SYNE3: variants seen among roughly 807,000 people sequenced by gnomAD.
SYNE3 encodes the protein nesprin-3.
Under a neutral mutation model 111.2 loss-of-function variants are expected in SYNE3, and 100 were observed. The ratio of observed to expected loss-of-function variants is 0.90; its 90% confidence interval spans 0.77 to 1.06. SYNE3 has a LOEUF of 1.06. SYNE3 is among the 50% of genes least tolerant of loss of function. The pLI is 0.00. For synonymous variants in SYNE3, 547 were observed against 533.9 expected, an observed-to-expected ratio of 1.02 and a Z score of -0.34; for missense variants, 1,160 against 1,240.3, an observed-to-expected ratio of 0.94 and a Z score of 0.97.
chr14:95,444,487 G>A lies in SYNE3; in HGVS notation c.1774C>T (p.Gln592Ter). ...PGKQAQLSRL[Q>*]GLQEEGLDLG... The stretch of plus-strand genomic sequence containing the variant: ...TTCAGGCCTCACAGACCCCTCACCT[G>A]CAACCTTGAGAGCTGGGCCTGTTTT... Residue 592 changes from glutamine (Q) to a stop codon, truncating the protein, a stop_gained and splice_region_variant, in exon 10 of 18, where the codon CAG (glutamine) becomes TAG (stop). Coordinates refer to ENST00000682763, the MANE Select transcript of SYNE3 (RefSeq NM_152592.6). LOFTEE classifies it high-confidence loss of function. The A allele has an allele frequency of 1.9e-6, 3 of 1,609,190 alleles. No individual in the cohort carries two copies. The highest frequency in any genetic ancestry group is 1.7e-6 in the Non-Finnish European group (2 of 1,177,322).
intron 5 of SYNE3, 87 bp from the exon 6 acceptor site, chr14:95,455,811 T>A: frequency 7.6e-7 from 1 of 1,309,710 alleles, no homozygotes; most frequent in Non-Finnish European, 1.1e-6. Context: ...GGGACTGCCC[T>A]GCAAAACACT....
At chr14:95,493,824 G>A (rs776005062) in intron 1 of SYNE3, among the ~76,000 whole-genome samples, 30 of 152,280 alleles carry the variant, frequency 2.0e-4, no homozygotes, top group Admixed American at 1.9e-3. Flanking sequence ...TTGGAATTCC[G>A]GTGAGGAATA....
At chr14:95,480,879 G>T (rs1041543299) in intron 1 of SYNE3, among the ~76,000 whole-genome samples, 1 of 152,192 alleles carries the variant, frequency 6.6e-6, no homozygotes, top group Non-Finnish European at 1.5e-5. Context: ...CTGGCATCCC[G>T]GTCTGAAAGG....
At chr14:95,455,952 TA>T in intron 5 of SYNE3, 1 of 516,574 alleles carries the variant, frequency 1.9e-6, no homozygotes, top group East Asian at 2.9e-5. Flanking sequence ...GCCATTTGAT[TA>T]AGTCAAGGAG....
chr14:95,423,108 C>G (rs1347628859), intron 17 of SYNE3, among the ~76,000 whole-genome samples: 1 of 152,216 alleles, frequency 6.6e-6, no homozygotes, highest in Non-Finnish European at 1.5e-5. Context: ...TTCGTCTTGC[C>G]TCCTCACTGG....
chr14:95,453,383 G>A (rs565910420), intron 6 of SYNE3, among the ~76,000 whole-genome samples: 1 of 152,230 alleles, frequency 6.6e-6, no homozygotes, highest in South Asian at 2.1e-4. Flanking sequence ...AGCCTGGGGT[G>A]ACCCACGGAT....
intron 17 of SYNE3, among the ~76,000 whole-genome samples, chr14:95,426,037 G>C (rs758630074): frequency 6.6e-6 from 1 of 152,192 alleles, no homozygotes; most frequent in Non-Finnish European, 1.5e-5. Context: ...ACCTCACTGG[G>C]GTGAATTTCA....
At chr14:95,419,175 A>G (rs1489607034) in intron 17 of SYNE3, among the ~76,000 whole-genome samples, 1 of 152,202 alleles carries the variant, frequency 6.6e-6, no homozygotes, top group Non-Finnish European at 1.5e-5. Flanking sequence ...GTCACTCAGA[A>G]GAGTGAGGCC....
At chr14:95,433,535 C>T (rs1445510996) in intron 15 of SYNE3, 126 bp from the exon 16 acceptor site, 1 of 1,342,508 alleles carries the variant, frequency 7.4e-7, no homozygotes, top group African/African-American at 1.5e-5. Context: ...CAGACAGAAT[C>T]CATAAAGTGG....
At chr14:95,475,860 C>T (rs958285252) in intron 1 of SYNE3, 25 bp from the exon 2 acceptor site, 7 of 1,461,210 alleles carry the variant, frequency 4.8e-6, no homozygotes, top group Non-Finnish European at 3.6e-6. Flanking sequence ...ACAGATAAGG[C>T]CAACAGGCAG....
chr14:95,435,666 G>A (rs4905302), intron 15 of SYNE3, among the ~76,000 whole-genome samples: 94,282 of 152,072 alleles, frequency 0.62, 31,517 homozygotes, highest in African/African-American at 0.87. Context: ...CCACAGATTC[G>A]GGAGTTAAAA....
At chr14:95,473,338 G>C (rs1328380300) in intron 2 of SYNE3, among the ~76,000 whole-genome samples, 4 of 152,054 alleles carry the variant, frequency 2.6e-5, no homozygotes, top group African/African-American at 9.7e-5. Context: ...ACCACCTGGA[G>C]GGAAAGACCC....
chr14:95,473,034 T>C (rs1352463780), intron 2 of SYNE3, among the ~76,000 whole-genome samples: 1 of 152,164 alleles, frequency 6.6e-6, no homozygotes, highest in African/African-American at 2.4e-5. Flanking sequence ...GCAGGTCCCA[T>C]GGGTAGGTCG....
chr14:95,449,431 T>C (rs1886919279), intron 8 of SYNE3: 2 of 985,318 alleles, frequency 2.0e-6, no homozygotes, highest in African/African-American at 3.5e-5. Flanking sequence ...AGCCAGTTGT[T>C]GTTCATGGGA....
intron 3 of SYNE3, among the ~76,000 whole-genome samples, chr14:95,467,477 G>A (rs1471306380): frequency 4.0e-5 from 6 of 149,340 alleles, no homozygotes; most frequent in Non-Finnish European, 8.9e-5. Flanking sequence ...TACAAGCAGG[G>A]ACTCTGGCTA....
At chr14:95,439,304 C>T in intron 13 of SYNE3, 142 bp from the exon 14 acceptor site, 2 of 1,281,630 alleles carry the variant, frequency 1.6e-6, no homozygotes, top group Non-Finnish European at 2.2e-6. Flanking sequence ...CTGAGGCATG[C>T]TCACATCCGG....
chr14:95,510,464 A>C (rs891299514), intron 1 of SYNE3, among the ~76,000 whole-genome samples: 8 of 152,214 alleles, frequency 5.3e-5, no homozygotes, highest in Admixed American at 1.3e-4. Context: ...GGAAGGCAGG[A>C]AGAATATCTT....
Position 95,409,645 on chromosome 14 carries a change from T to C in SYNE3, c.*8181A>G. 1 of 337,086 alleles carries C rather than the reference T, an allele frequency of 3.0e-6. No homozygotes were observed. Among genetic ancestry groups the C allele is most frequent in the Non-Finnish European group, 5.9e-6 (1 of 170,260 alleles). The allele number at this position is 337,086 out of a possible 1,614,324, so 20.9% of individuals were successfully genotyped here. ...TGAACATCCTGCTGAACCATTTGCT[T>C]TTAGACCACGAGCCTGTGTTTTAAT... On this transcript the variant is annotated 3_prime_UTR_variant, in exon 18 of 18. Coordinates refer to ENST00000682763, the MANE Select transcript of SYNE3 (RefSeq NM_152592.6).
intron 17 of SYNE3, among the ~76,000 whole-genome samples, chr14:95,426,949 A>G (rs557201752): frequency 6.6e-6 from 1 of 151,056 alleles, no homozygotes; most frequent in South Asian, 2.1e-4. Flanking sequence ...ATCTCAAAAA[A>G]AAAAAAAAAA....
Sources: allele counts gnomAD v4.1 joint callset (sites outside exome capture counted in the v4.1 genomes callset), GRCh38; gene constraint gnomAD v4.1.1; transcripts MANE v1.5; gene names NCBI Gene and HGNC (gene_info 2026-07-23, HGNC 2026-07-21).